MIS18BP1: variants seen among roughly 807,000 people sequenced by gnomAD.
MIS18BP1 encodes the protein mis18-binding protein 1.
MIS18BP1 carries 72 observed loss-of-function variants against 116.1 expected under a neutral mutation model. That is an observed-to-expected ratio of 0.62 (90% CI 0.51 to 0.75). The LOEUF is 0.75. Ranked by LOEUF, MIS18BP1 falls within the 30% of genes least tolerant of loss-of-function variation. The probability of loss-of-function intolerance (pLI) is 0.00; values close to 1 mark genes in which losing one functional copy is unlikely to be tolerated. For synonymous variants in MIS18BP1, 386 were observed against 427.0 expected, an observed-to-expected ratio of 0.90 and a Z score of 1.18; for missense variants, 1,363 against 1,303.2, an observed-to-expected ratio of 1.05 and a Z score of -0.71.
rs149551504 is a variant in MIS18BP1, at chr14:45,247,163, C to T, written c.124G>A (p.Val42Ile). 3,377 of 1,612,928 alleles carry T rather than the reference C, an allele frequency of 2.1e-3. 7 individuals are homozygous for T. The highest frequency in any genetic ancestry group is 3.3e-3 in the Middle Eastern group (20 of 6,056). ...TTCTGATATTTCACCAAATCTTTTA[C>T]AGGAGTAAGTGTGCCTGAAGGAATG... ...DSIPSGTLTP[V>I]KDLVKYQNSS... is the part of the protein sequence containing the mutation. Residue 42 changes from valine to isoleucine, a missense_variant, in exon 2 of 17, where the codon GTA becomes ATA. Coordinates refer to ENST00000310806, the MANE Select transcript of MIS18BP1 (RefSeq NM_018353.5).
At position 45,232,738 on chromosome 14, in the gene MIS18BP1, T is replaced by C. The variant is rs1489636065; in HGVS notation, c.1431A>G (p.Gln477=). The C allele has an allele frequency of 7.0e-7, 1 of 1,433,792 alleles. No individual in the cohort carries two copies. The highest frequency in any genetic ancestry group is 2.2e-5 in the Admixed American group (1 of 45,386). 88.8% of individuals were successfully genotyped at this position (1,433,792 alleles called of 1,614,324 possible). ...WKEHIDNFLE[Q]LRAGEKNREK... is the part of the protein sequence containing the mutation. ...AACATAAAACAACATTTTACCTTAATTGTTCCAGAAAATTATCAATGTGCT... is the reference window on the plus strand; with the variant it reads ...AACATAAAACAACATTTTACCTTAACTGTTCCAGAAAATTATCAATGTGCT... Residue 477 remains glutamine (Q), a synonymous_variant, in exon 7 of 17, where the codon CAA becomes CAG. Transcript: ENST00000310806.
chr14:45,218,529 G>T, intron 11 of MIS18BP1, 75 bp from the exon 12 acceptor site: 2 of 1,294,734 alleles, frequency 1.5e-6, no homozygotes, highest in Non-Finnish European at 2.1e-6. Flanking sequence ...GCATAACACT[G>T]AATTGATGAG....
intron 1 of MIS18BP1, chr14:45,250,124 C>T (rs559041480): frequency 6.6e-6 from 1 of 152,264 alleles, no homozygotes. Flanking sequence ...TTTCTGTTTC[C>T]TAATGTCCCT....
In MIS18BP1 at chr14:45,204,445, A is replaced by T; in HGVS notation, c.3249T>A (p.Thr1083=). ...TTCTTGGTGTTGGAGTTGAGAAATC[A>T]GTTTCAACCTATAAAAGAGTTACTA... ...WGNIKKKLVE[T]DFSTPTPRRK... The change falls in exon 16 of 17, where the codon ACT becomes ACA. Residue 1083 remains threonine, a synonymous_variant. Transcript: ENST00000310806. 1 of 1,603,060 alleles carries T rather than the reference A, an allele frequency of 6.2e-7. No homozygotes were observed. The highest frequency in any genetic ancestry group is 8.5e-7 in the Non-Finnish European group (1 of 1,175,708).
chr14:45,217,281 A>G (rs1352734315), intron 12 of MIS18BP1, 102 bp from the exon 13 acceptor site: 1 of 1,311,704 alleles, frequency 7.6e-7, no homozygotes, highest in African/African-American at 1.5e-5. Context: ...CATTCATGTT[A>G]AAAAAAAACC....
At chr14:45,242,931 A>C in intron 2 of MIS18BP1, 57 bp from the exon 3 acceptor site, 1 of 1,161,204 alleles carries the variant, frequency 8.6e-7, no homozygotes, top group Non-Finnish European at 1.2e-6. Context: ...CACTAAGAAA[A>C]AAACAGCTTT....
rs763721731 is a variant in MIS18BP1 at position 45,206,111 on chromosome 14, A to G, written c.3212T>C (p.Ile1071Thr). 2 of 1,608,876 alleles carry G rather than the reference A, an allele frequency of 1.2e-6. No individual in the cohort carries two copies. Among genetic ancestry groups the G allele is most frequent in the South Asian group, 1.1e-5 (1 of 90,732 alleles). The change falls in exon 15 of 17, where the codon ATT (isoleucine) becomes ACT (threonine). Residue 1071 changes from isoleucine (I) to threonine (T), a missense_variant. Transcript: ENST00000310806. Reference protein sequence around the residue: ...MQKYHKSNGGIVWGNIKKKLV... With the variant: ...MQKYHKSNGGTVWGNIKKKLV... The stretch of plus-strand genomic sequence containing the variant: ...TTTTTTCTTGATGTTGCCCCAGACA[A>G]TACCACCATTACTTTTATGATATTT...
In MIS18BP1 at chr14:45,224,215, G is replaced by A. The variant is rs767879421; in HGVS notation, c.2372C>T (p.Thr791Ile). 2 of 1,613,832 alleles carry A rather than the reference G, an allele frequency of 1.2e-6. No individual in the cohort carries two copies. The highest frequency in any genetic ancestry group is 2.2e-5 in the East Asian group (1 of 44,850). Reference sequence around the variant, plus strand: ...TGCTTCTTTGGTGTTTCCTGCTTTGGTTTTCTTAACTTCAGCTTTCCTTTT... The same window carrying A: ...TGCTTCTTTGGTGTTTCCTGCTTTGATTTTCTTAACTTCAGCTTTCCTTTT... ...EIKRKAEVKK[T>I]KAGNTKEAVV... Residue 791 changes from threonine (T) to isoleucine (I), a missense_variant, in exon 11 of 17, where the codon ACC (threonine) becomes ATC (isoleucine). Coordinates refer to ENST00000310806, the MANE Select transcript of MIS18BP1 (RefSeq NM_018353.5).
chr14:45,210,412 A>C lies in MIS18BP1; in HGVS notation c.3120T>G (p.His1040Gln). Residue 1040 changes from histidine (H) to glutamine (Q), a missense_variant, in exon 14 of 17, where the codon CAT becomes CAG. His to Gln is a conservative substitution (Grantham distance 24, BLOSUM62 0). Coordinates refer to ENST00000310806, the MANE Select transcript of MIS18BP1 (RefSeq NM_018353.5). ...FPLVKTPQCQHVSPGMLGSIN... is the reference protein window; with the variant it reads ...FPLVKTPQCQQVSPGMLGSIN... ...TAGAACCTAGCATGCCAGGACTGAC[A>C]TGCTGACATTGAGGAGTTTTTACCA... The C allele has an allele frequency of 6.2e-7, 1 of 1,614,004 alleles. No individual in the cohort carries two copies. The highest frequency in any genetic ancestry group is 8.5e-7 in the Non-Finnish European group (1 of 1,179,940).
chr14:45,240,712 A>C (rs1045758576), intron 4 of MIS18BP1, among the ~76,000 whole-genome samples: 1 of 151,950 alleles, frequency 6.6e-6, no homozygotes, highest in African/African-American at 2.4e-5. Flanking sequence ...ATGTTTCAAC[A>C]TGTTTATATG....
At chr14:45,208,370 T>TCAGCACTCAGGCTGACAGCACTCAG (rs1890581241) in intron 14 of MIS18BP1, among the ~76,000 whole-genome samples, 1 of 147,038 alleles carries the variant, frequency 6.8e-6, no homozygotes, top group East Asian at 2.0e-4. Flanking sequence ...TCTCGCACTG[T>TCAGCACTCAGGCTGACAGCACTCAG]CACCCAGGCT....
intron 13 of MIS18BP1, among the ~76,000 whole-genome samples, chr14:45,211,801 T>G (rs932014088): frequency 6.6e-6 from 1 of 152,188 alleles, no homozygotes; most frequent in Non-Finnish European, 1.5e-5. Context: ...GTAAGAACAT[T>G]AGGGGAGCTT....
chr14:45,247,379 T>A lies in MIS18BP1; in HGVS notation c.-91-2A>T, dbSNP rs943701856. The A allele has an allele frequency of 9.3e-6, 10 of 1,079,496 alleles. No homozygotes were observed. Among genetic ancestry groups the A allele is most frequent in the Middle Eastern group, 2.8e-4 (1 of 3,530 alleles). The allele number at this position is 1,079,496 out of a possible 1,614,324, so 66.9% of individuals were successfully genotyped here. ...ACTTCAGAAGGGATCCACAGAAACC[T>A]GTAGTTCAACGTAAAATCAGCCTTT... On this transcript the variant is annotated splice_acceptor_variant, in intron 1 of 16. Coordinates refer to ENST00000310806, the MANE Select transcript of MIS18BP1 (RefSeq NM_018353.5). LOFTEE classifies it low-confidence loss of function (5UTR_SPLICE).
chr14:45,237,762 T>G (rs760529041), intron 4 of MIS18BP1, 41 bp from the exon 5 acceptor site: 3 of 1,554,616 alleles, frequency 1.9e-6, no homozygotes, highest in Non-Finnish European at 2.6e-6. Flanking sequence ...CCTGTATTAC[T>G]TGCAGCACAA....
intron 5 of MIS18BP1, among the ~76,000 whole-genome samples, chr14:45,237,001 A>C (rs200013792): frequency 4.0e-5 from 6 of 150,924 alleles, no homozygotes; most frequent in East Asian, 3.9e-4. Context: ...GAGTACCTTA[A>C]ACAGTTATAA....
chr14:45,241,707 G>C (rs376899764), intron 4 of MIS18BP1: 3 of 208,246 alleles, frequency 1.4e-5, no homozygotes, highest in East Asian at 2.6e-4. Flanking sequence ...TAATAGTACT[G>C]TAAGTATCAG....
intron 2 of MIS18BP1, among the ~76,000 whole-genome samples, chr14:45,245,500 G>T (rs1891699451): frequency 6.6e-6 from 1 of 152,024 alleles, no homozygotes; most frequent in Non-Finnish European, 1.5e-5. Flanking sequence ...GAGTAGCTGG[G>T]ATTACAAGCA....
chr14:45,240,106 CA>C (rs979556571), intron 4 of MIS18BP1, among the ~76,000 whole-genome samples: 11 of 152,028 alleles, frequency 7.2e-5, no homozygotes, highest in African/African-American at 2.4e-4. Context: ...GTGCTGGAAA[CA>C]TATTGGAGAG....
intron 12 of MIS18BP1, 67 bp from the exon 13 acceptor site, chr14:45,217,246 C>A: frequency 6.6e-7 from 1 of 1,519,178 alleles, no homozygotes; most frequent in Non-Finnish European, 8.9e-7. Flanking sequence ...ATAAAGTTAA[C>A]AACCTTTGCA....
Sources: gnomAD v4.1 joint callset for allele counts (sites outside exome capture counted in the v4.1 genomes callset) on GRCh38, gnomAD v4.1.1 for gene constraint, MANE v1.5 for transcripts, NCBI Gene and HGNC (gene_info 2026-07-23, HGNC 2026-07-21) for gene names.